Variants in FBN2 observed in about 807,000 individuals in gnomAD.
FBN2 encodes the protein fibrillin 2, also known as fibrillin-2.
A neutral mutation model predicts 355.6 loss-of-function variants in FBN2; 105 were observed. The ratio of observed to expected loss-of-function variants is 0.30; its 90% CI spans 0.25 to 0.35. The LOEUF (loss-of-function observed/expected upper bound fraction) is 0.35, where lower values mean the gene tolerates loss of function less well. FBN2 is among the 10% of genes least tolerant of loss of function. FBN2 has a pLI of 1.00. For missense variants in FBN2, 3,280 were observed against 3,758.7 expected, an observed-to-expected ratio of 0.87 and a Z score of 3.33; for synonymous variants, 1,350 against 1,301.2, an observed-to-expected ratio of 1.04 and a Z score of -0.81.
chr5:128,516,635 G>A (rs1174162494), intron 5 of FBN2, among the ~76,000 whole-genome samples: 4 of 151,998 alleles, frequency 2.6e-5, no homozygotes, highest in Non-Finnish European at 5.9e-5. Flanking sequence ...TTCTACATTA[G>A]GAGGAACAAA....
chr5:128,337,924 GGTTTGTCAGAACT>G, intron 27 of FBN2, 60 bp downstream of exon 27: 1 of 1,540,898 alleles, frequency 6.5e-7, no homozygotes, highest in South Asian at 1.1e-5. Context: ...TCAAACAACA[GGTTTGTCAGAACT>G]GATCCCTGGT....
chr5:128,378,728 T>C (rs1752152609), intron 12 of FBN2, 43 bp downstream of exon 12: 1 of 1,609,964 alleles, frequency 6.2e-7, no homozygotes, highest in African/African-American at 1.3e-5. Flanking sequence ...TTGGTCACTA[T>C]ATTTCATGGA....
intron 7 of FBN2, among the ~76,000 whole-genome samples, chr5:128,419,718 G>A (rs549248773): frequency 6.6e-6 from 1 of 152,180 alleles, no homozygotes; most frequent in South Asian, 2.1e-4. Flanking sequence ...TGAGACAAGA[G>A]TTTTGCTCTT....
chr5:128,389,641 C>G (rs1306792820), intron 11 of FBN2, among the ~76,000 whole-genome samples: 1 of 152,208 alleles, frequency 6.6e-6, no homozygotes, highest in Non-Finnish European at 1.5e-5. Flanking sequence ...CCTCTGGGCT[C>G]TGCACAGGCT....
intron 15 of FBN2, among the ~76,000 whole-genome samples, chr5:128,373,329 G>T (rs1751996523): frequency 6.6e-6 from 1 of 152,194 alleles, no homozygotes; most frequent in African/African-American, 2.4e-5. Flanking sequence ...CTGTAAGCAG[G>T]AAGAAGTTAT....
chr5:128,435,131 G>A (rs535617259), intron 7 of FBN2, among the ~76,000 whole-genome samples: 1 of 152,158 alleles, frequency 6.6e-6, no homozygotes, highest in Admixed American at 6.5e-5. Flanking sequence ...CCTGACCACT[G>A]TCTTATGTTA....
intron 20 of FBN2, among the ~76,000 whole-genome samples, chr5:128,354,474 T>A (rs761070626): frequency 1.3e-5 from 2 of 152,180 alleles, no homozygotes; most frequent in African/African-American, 2.4e-5. Flanking sequence ...AAGAATGATA[T>A]GCTCTGATTT....
At chr5:128,299,667 C>T (rs7710775) in intron 48 of FBN2, among the ~76,000 whole-genome samples, 136 of 152,302 alleles carry the variant, frequency 8.9e-4, no homozygotes, top group African/African-American at 3.1e-3. Flanking sequence ...GGCAATGCCT[C>T]GCCCTGCTTT....
intron 5 of FBN2, among the ~76,000 whole-genome samples, chr5:128,511,549 T>C (rs768913979): frequency 1.3e-5 from 2 of 152,210 alleles, no homozygotes; most frequent in Non-Finnish European, 2.9e-5. Flanking sequence ...GCGTCTTCCA[T>C]TATGCTGCAC....
chr5:128,406,023 G>C (rs369928786), intron 8 of FBN2, among the ~76,000 whole-genome samples: 2 of 152,134 alleles, frequency 1.3e-5, no homozygotes, highest in African/African-American at 4.8e-5. Context: ...TTTTGTGTTC[G>C]CATATGCACG....
chr5:128,375,692 C>G (rs140095671), intron 14 of FBN2, among the ~76,000 whole-genome samples: 3 of 152,118 alleles, frequency 2.0e-5, no homozygotes, highest in Admixed American at 6.6e-5. Flanking sequence ...CAATTGAAGG[C>G]AGAACATCAT....
chr5:128,424,717 C>A (rs1387899323), intron 7 of FBN2, among the ~76,000 whole-genome samples: 1 of 152,122 alleles, frequency 6.6e-6, no homozygotes, highest in Non-Finnish European at 1.5e-5. Flanking sequence ...AAGGCTACTA[C>A]TGCAGCAAAG....
intron 58 of FBN2, among the ~76,000 whole-genome samples, chr5:128,276,974 C>A (rs757358499): frequency 6.6e-6 from 1 of 152,150 alleles, no homozygotes; most frequent in Admixed American, 6.6e-5. Flanking sequence ...TACTCGGACT[C>A]TGAGATAGCA....
rs1193436686 is a variant in FBN2, at chr5:128,332,919, C to T, written c.4215G>A (p.Lys1405=). The T allele has an allele frequency of 1.9e-6, 3 of 1,613,942 alleles. No individual in the cohort carries two copies. Among genetic ancestry groups the T allele is most frequent in the South Asian group, 1.1e-5 (1 of 91,074 alleles). The change falls in exon 32 of 65, where the codon AAG becomes AAA. Residue 1405 remains lysine (K), a synonymous_variant. Coordinates refer to ENST00000262464, the MANE Select transcript of FBN2 (RefSeq NM_001999.4). ...TTACATTTGCAAACTCACCAATACACTTGATGCCGTTTCCAATCCAGCCTT... is the reference window on the plus strand; with the variant it reads ...TTACATTTGCAAACTCACCAATACATTTGATGCCGTTTCCAATCCAGCCTT... ...CREGWIGNGI[K]CIDLDECSNG...
intron 48 of FBN2, among the ~76,000 whole-genome samples, chr5:128,298,013 C>G (rs923620640): frequency 4.6e-5 from 7 of 150,938 alleles, no homozygotes; most frequent in African/African-American, 1.7e-4. Context: ...CCTTCAGGAG[C>G]TCTTTTAGGG....
intron 5 of FBN2, among the ~76,000 whole-genome samples, chr5:128,469,374 C>CA (rs1016032190): frequency 1.3e-4 from 20 of 151,614 alleles, no homozygotes; most frequent in Admixed American, 1.3e-3. Context: ...ATTAAAAATA[C>CA]AAAAAAATTA....
chr5:128,360,685 T>C (rs1156549711), intron 19 of FBN2, among the ~76,000 whole-genome samples: 1 of 152,134 alleles, frequency 6.6e-6, no homozygotes, highest in African/African-American at 2.4e-5. Context: ...TTTGGCATCT[T>C]GTTCTATAGT....
In FBN2 at chr5:128,536,498, G is replaced by A; in HGVS notation, c.255-14C>T. The stretch of plus-strand genomic sequence containing the variant: ...CACACGTTGGGCCTGTGATGGACAA[G>A]CGCGGTCACGTAACAGATAGGTAGA... On this transcript the variant is annotated splice_polypyrimidine_tract_variant and intron_variant, in intron 1 of 64. Coordinates refer to ENST00000262464, the MANE Select transcript of FBN2 (RefSeq NM_001999.4). 1.9e-6 allele frequency: 3 copies of A among 1,606,628 alleles called. No individual in the cohort carries two copies. The highest frequency in any genetic ancestry group is 2.6e-6 in the Non-Finnish European group (3 of 1,174,020).
At chr5:128,522,025 A>G (rs150522056) in intron 4 of FBN2, among the ~76,000 whole-genome samples, 118 of 152,130 alleles carry the variant, frequency 7.8e-4, no homozygotes, top group Middle Eastern at 3.4e-3. Context: ...ATGAATCAAT[A>G]AATATTTTAA....
Sources: allele counts gnomAD v4.1 joint callset (sites outside exome capture counted in the v4.1 genomes callset), GRCh38; gene constraint gnomAD v4.1.1; transcripts MANE v1.5; gene names NCBI Gene and HGNC (gene_info 2026-07-23, HGNC 2026-07-21).